Variants in TTLL8 observed in about 807,000 individuals in gnomAD.
TTLL8 encodes the protein protein monoglycylase TTLL8.
A neutral mutation model predicts 77.8 loss-of-function variants in TTLL8; 65 were observed. That is an observed-to-expected ratio of 0.84 (90% CI 0.68 to 1.03). TTLL8 has a LOEUF of 1.03. TTLL8 is among the 50% of genes least tolerant of loss of function. TTLL8 has a pLI of 0.00. For synonymous variants in TTLL8, 402 were observed against 422.8 expected, an observed-to-expected ratio of 0.95 and a Z score of 0.60; for missense variants, 910 against 1,004.5, an observed-to-expected ratio of 0.91 and a Z score of 1.27.
chr22:50,054,284 G>A (rs2061459535), intron 1 of TTLL8, among the ~76,000 whole-genome samples: 1 of 152,126 alleles, frequency 6.6e-6, no homozygotes, highest in African/African-American at 2.4e-5. Context: ...GGCAGACCTG[G>A]AGCCCTCAGC....
At chr22:50,045,929 G>A in exon 5 of TTLL8, 1 of 1,361,682 alleles carries the variant, frequency 7.3e-7, no homozygotes, top group Non-Finnish European at 9.8e-7. Flanking sequence ...GGTTGGCCGG[G>A]ACGTACCAGG....
chr22:50,034,554 C>G lies in TTLL8; in HGVS notation c.922-92G>C, dbSNP rs772198276. The G allele has an allele frequency of 1.6e-6, 2 of 1,248,478 alleles. No individual in the cohort carries two copies. Among genetic ancestry groups the G allele is most frequent in the Admixed American group, 2.4e-5 (1 of 42,220 alleles). The allele number at this position is 1,248,478 out of a possible 1,614,324, so 77.3% of individuals were successfully genotyped here. ...GCATGAGACTTGGAGGCCTGGGCCC[C>G]GCCTCACCCACCAAGCAGGCGCTCG... On this transcript the variant is annotated intron_variant, in intron 8 of 13. Coordinates refer to ENST00000266182, the Ensembl canonical transcript of TTLL8. This position sits in a 1 kb window ranked among gnomAD's most constrained non-coding sequence, Gnocchi z 4.1.
rs374201547 is a variant in TTLL8, at chr22:50,027,309, G to A, written c.2203+3121C>T. 7.9e-5 allele frequency among the ~76,000 whole-genome samples: 12 copies of A among 151,788 alleles called. No homozygotes were observed. In the East Asian group the frequency reaches 1.9e-3, roughly 25 times the overall value. On this transcript the variant is annotated intron_variant, in intron 12 of 13. Transcript: ENST00000266182. ...AACACTTTGGGAGGCCAAGGTGCGT[G>A]GATTGCCTGAGCTTAGGAGTTTCCA...
upstream of TTLL8, chr22:50,054,686 C>T (rs908219653): frequency 1.1e-5 from 2 of 180,582 alleles, no homozygotes; most frequent in Non-Finnish European, 1.3e-5. Context: ...CACCCTAGGA[C>T]ACACAGCGGG....
intron 12 of TTLL8, among the ~76,000 whole-genome samples, chr22:50,021,247 A>G (rs1365746813): frequency 1.6e-4 from 21 of 131,270 alleles, no homozygotes; most frequent in African/African-American, 6.4e-4. Context: ...GACGACATGT[A>G]CTCCTCCATC....
intron 1 of TTLL8, among the ~76,000 whole-genome samples, chr22:50,054,400 G>T (rs2061459991): frequency 6.6e-6 from 1 of 152,064 alleles, no homozygotes; most frequent in East Asian, 1.9e-4. Context: ...CCAGTTAAAA[G>T]GTAAGGCCTC....
At chr22:50,038,319 GA>G (rs1390157786) in intron 8 of TTLL8, among the ~76,000 whole-genome samples, 1 of 151,382 alleles carries the variant, frequency 6.6e-6, no homozygotes, top group East Asian at 1.9e-4. Context: ...CTACAAATAG[GA>G]ACTTTATTTC....
rs759149193 is a variant in TTLL8 at position 50,047,304 on chromosome 22, GAA to G, written c.265-10_265-9del. 2.2e-6 allele frequency: 3 copies of G among 1,366,526 alleles called. No individual in the cohort carries two copies. In the Admixed American group the frequency reaches 5.7e-5, roughly 26 times the overall value. The allele number at this position is 1,366,526 out of a possible 1,614,324, so 84.7% of individuals were successfully genotyped here. On this transcript the variant is annotated splice_polypyrimidine_tract_variant and intron_variant, in intron 3 of 13. Transcript: ENST00000266182. Reference sequence around the variant, plus strand: ...ATTTTTTACCAACCTAGACTGGCAAGAAAAAAGTCTTTATTGATGCCCAGCAT... The same window carrying G: ...ATTTTTTACCAACCTAGACTGGCAAGAAAAGTCTTTATTGATGCCCAGCAT...
At chr22:50,026,647 G>C (rs1302597661) in intron 12 of TTLL8, among the ~76,000 whole-genome samples, 1 of 152,252 alleles carries the variant, frequency 6.6e-6, no homozygotes, top group Non-Finnish European at 1.5e-5. Context: ...ATTTGGAGAA[G>C]AGACTAGAAA....
chr22:50,022,573 G>A (rs920925242), intron 12 of TTLL8, among the ~76,000 whole-genome samples: 1 of 151,364 alleles, frequency 6.6e-6, no homozygotes, highest in Non-Finnish European at 1.5e-5. Flanking sequence ...TCCATCTGAT[G>A]TGCACGCCTC....
Position 50,041,222 on chromosome 22 carries a change from T to G in TTLL8, c.886A>C (p.Met296Leu). Residue 296 changes from methionine to leucine, a missense_variant, in exon 8 of 14, where the codon ATG becomes CTG. Met to Leu is a conservative substitution (Grantham distance 15). Coordinates refer to ENST00000266182, the Ensembl canonical transcript of TTLL8. This position sits in a 1 kb window ranked among gnomAD's most constrained non-coding sequence, Gnocchi z 4.3. Reference sequence around the variant, plus strand: ...CGGGCTGTGGGGGGCTCAAATGACATCATAACCTTCTGGATTTTGAAGATG... The same window carrying G: ...CGGGCTGTGGGGGGCTCAAATGACAGCATAACCTTCTGGATTTTGAAGATG... 2.1e-6 allele frequency: 1 copy of G among 478,634 alleles called. No individual in the cohort carries two copies. Among genetic ancestry groups the G allele is most frequent in the Admixed American group, 2.6e-5 (1 of 37,972 alleles). The allele number at this position is 478,634 out of a possible 1,614,324, so 29.6% of individuals were successfully genotyped here. A position where few individuals can be genotyped will look rare whatever the true frequency, so the allele number is the denominator to read the frequency against.
chr22:50,036,940 C>T (rs757237441), intron 8 of TTLL8, among the ~76,000 whole-genome samples: 28 of 152,100 alleles, frequency 1.8e-4, no homozygotes, highest in Non-Finnish European at 3.8e-4. Context: ...TTCATCCACG[C>T]TGCAGCATAG....
intron 12 of TTLL8, among the ~76,000 whole-genome samples, chr22:50,025,392 C>T (rs540569113): frequency 7.2e-5 from 11 of 152,012 alleles, no homozygotes; most frequent in Admixed American, 4.6e-4. Context: ...AGAGGCCGGG[C>T]GCGGGGGCTC....
intron 12 of TTLL8, 145 bp downstream of exon 13, chr22:50,030,285 G>A (rs2061277459): frequency 9.2e-7 from 1 of 1,082,628 alleles, no homozygotes; most frequent in South Asian, 2.2e-5. Context: ...GCTCCCGCCG[G>A]CGCCTCCGTC....
intron 3 of TTLL8, 32 bp from the exon 6 acceptor site, chr22:50,047,328 G>A (rs768125117): frequency 2.2e-6 from 3 of 1,364,036 alleles, no homozygotes; most frequent in East Asian, 4.6e-5. Context: ...TTGATGCCCA[G>A]CATTCAAGGT....
intron 12 of TTLL8, among the ~76,000 whole-genome samples, chr22:50,027,406 C>T (rs557524043): frequency 4.6e-5 from 7 of 151,544 alleles, no homozygotes; most frequent in East Asian, 1.9e-4. Context: ...TGGTGGTGGG[C>T]GCCTGTGGTC....
chr22:50,033,736 T>A (rs1449562089), intron 9 of TTLL8, among the ~76,000 whole-genome samples: 1 of 152,138 alleles, frequency 6.6e-6, no homozygotes, highest in Admixed American at 6.5e-5. Context: ...AGAGACACTT[T>A]TAAAAGGGAG....
chr22:50,018,928 G>A lies in TTLL8; in HGVS notation c.2204-2366C>T, dbSNP rs115375055. Among the ~76,000 whole-genome samples, 1,362 of 152,364 alleles carry A rather than the reference G, an allele frequency of 8.9e-3. 18 individuals carry two copies. Among genetic ancestry groups the A allele is most frequent in the African/African-American group, 0.031 (1,290 of 41,578 alleles). Reference sequence around the variant, plus strand: ...GTTGGAAGTCTGAGACTCAGGAAGAGTGAAGGGCAAAGAGGAATGTATGTA... The same window carrying A: ...GTTGGAAGTCTGAGACTCAGGAAGAATGAAGGGCAAAGAGGAATGTATGTA... On this transcript the variant is annotated intron_variant, in intron 12 of 13. Coordinates refer to ENST00000266182, the Ensembl canonical transcript of TTLL8.
chr22:50,046,076 G>T, intron 4 of TTLL8, 106 bp from the exon 7 acceptor site: 1 of 985,022 alleles, frequency 1.0e-6, no homozygotes, highest in Non-Finnish European at 1.4e-6. Context: ...TGGCTATGGG[G>T]CACCACACAG....
Sources: gnomAD v4.1 joint callset for allele counts (sites outside exome capture counted in the v4.1 genomes callset) on GRCh38, gnomAD v4.1.1 for gene constraint, Gnocchi (gnomAD v3.1) non-coding constraint, MANE v1.5 for transcripts, NCBI Gene and HGNC (gene_info 2026-07-23, HGNC 2026-07-21) for gene names.